NEDD1: variants seen among roughly 807,000 people sequenced by gnomAD.
NEDD1 encodes the protein protein NEDD1.
NEDD1 carries 33 observed loss-of-function variants against 74.0 expected under a neutral mutation model. The ratio of observed to expected loss-of-function variants is 0.45; its 90% CI spans 0.34 to 0.60. NEDD1 has a LOEUF of 0.60. NEDD1 is among the 20% of genes least tolerant of loss of function. The probability of loss-of-function intolerance (pLI) is 0.01; values close to 1 mark genes in which losing one functional copy is unlikely to be tolerated. For synonymous variants in NEDD1, 250 were observed against 264.4 expected (o/e 0.95, Z 0.53); for missense variants, 746 against 776.5 (o/e 0.96, Z 0.47).
chr12:96,945,730 C>G lies in NEDD1; in HGVS notation c.1692C>G (p.Ala564=). The stretch of plus-strand genomic sequence containing the variant: ...CATCTTCTGTCACTGCTGGAGTTGC[C>G]AGTTCACTCTCAGAAAAAATAGCCG... The part of the protein sequence containing the change: ...KIASSVTAGV[A]SSLSEKIADS... Residue 564 remains alanine, a synonymous_variant, in exon 14 of 16, where the codon GCC becomes GCG. Coordinates refer to ENST00000266742, the MANE Select transcript of NEDD1 (RefSeq NM_152905.4). 2 of 1,605,382 alleles carry G rather than the reference C, an allele frequency of 1.2e-6. No individual in the cohort carries two copies.
chr12:96,913,027 AT>A (rs1478299324), intron 4 of NEDD1, among the ~76,000 whole-genome samples: 6 of 152,208 alleles, frequency 3.9e-5, no homozygotes, highest in Non-Finnish European at 7.3e-5. Flanking sequence ...TAGGGGAACA[AT>A]TGAAGACTTG....
At chr12:96,907,882 C>T in intron 2 of NEDD1, 26 bp downstream of exon 2, 1 of 1,328,870 alleles carries the variant, frequency 7.5e-7, no homozygotes, top group South Asian at 2.0e-5. Flanking sequence ...GTCCTCTTCC[C>T]CGCCCCGCTT....
chr12:96,926,212 C>T (rs1592887554), intron 6 of NEDD1, among the ~76,000 whole-genome samples: 1 of 152,050 alleles, frequency 6.6e-6, no homozygotes, highest in African/African-American at 2.4e-5. Flanking sequence ...TAATGTGTTC[C>T]CTCCAAACCC....
At chr12:96,919,876 A>T (rs965871052) in intron 5 of NEDD1, 109 bp from the exon 6 acceptor site, 34 of 670,968 alleles carry the variant, frequency 5.1e-5, no homozygotes, top group Non-Finnish European at 8.0e-5. Context: ...AAAATGTTAA[A>T]GCAAATATTA....
At chr12:96,945,907 T>A in intron 14 of NEDD1, 58 bp downstream of exon 14, 2 of 1,055,226 alleles carry the variant, frequency 1.9e-6, no homozygotes, top group Non-Finnish European at 2.8e-6. Context: ...TTTTTAGATG[T>A]AAAACCAGAA....
At chr12:96,945,063 T>C (rs1878064709) in intron 13 of NEDD1, among the ~76,000 whole-genome samples, 1 of 140,448 alleles carries the variant, frequency 7.1e-6, no homozygotes, top group South Asian at 2.1e-4. Context: ...AGAATTATTA[T>C]GTAGGACCCT....
At chr12:96,909,681 G>T in intron 2 of NEDD1, 71 bp from the exon 3 acceptor site, 1 of 1,261,880 alleles carries the variant, frequency 7.9e-7, no homozygotes, top group South Asian at 1.4e-5. Flanking sequence ...TTTTAGATTA[G>T]ATTTTGACCT....
chr12:96,918,394 A>G (rs1874698983), intron 5 of NEDD1, among the ~76,000 whole-genome samples: 1 of 118,444 alleles, frequency 8.4e-6, no homozygotes, highest in Non-Finnish European at 1.8e-5. Context: ...TTGTCTTAAA[A>G]AAGTTTTAAT....
In NEDD1 at chr12:96,936,727, T is replaced by C. The variant is rs1877139823; in HGVS notation, c.836T>C (p.Met279Thr). The C allele has an allele frequency of 1.9e-6, 3 of 1,613,328 alleles. No individual in the cohort carries two copies. Among genetic ancestry groups the C allele is most frequent in the East Asian group, 4.5e-5 (2 of 44,878 alleles). Reference sequence around the variant, plus strand: ...AAAATATATCAATATGATTTAAGAATGTTGAAATCACCAGTTAAGACCATC... The same window carrying C: ...AAAATATATCAATATGATTTAAGAACGTTGAAATCACCAGTTAAGACCATC... ...RGKIYQYDLRMLKSPVKTISA... is the reference protein window; with the variant it reads ...RGKIYQYDLRTLKSPVKTISA... The change falls in exon 8 of 16, where the codon ATG (methionine) becomes ACG (threonine). Residue 279 changes from methionine to threonine, a missense_variant. Coordinates refer to ENST00000266742, the MANE Select transcript of NEDD1 (RefSeq NM_152905.4).
In NEDD1 at chr12:96,944,632, T is replaced by C. The variant is rs1366650802; in HGVS notation, c.1498-7T>C. The C allele has an allele frequency of 1.3e-6, 2 of 1,546,376 alleles. No individual in the cohort carries two copies. Among genetic ancestry groups the C allele is most frequent in the African/African-American group, 1.4e-5 (1 of 72,126 alleles). Reference sequence around the variant, plus strand: ...TATTAAAGTCATTATTTATTTTAAATATAAAGTTAGCAAAGTTGGTCACAT... The same window carrying C: ...TATTAAAGTCATTATTTATTTTAAACATAAAGTTAGCAAAGTTGGTCACAT... On this transcript the variant is annotated splice_region_variant and splice_polypyrimidine_tract_variant and intron_variant, in intron 12 of 15. Coordinates refer to ENST00000266742, the MANE Select transcript of NEDD1 (RefSeq NM_152905.4).
At chr12:96,923,788 T>TTTTGTGTGTGTGTGTG (rs549447581) in intron 6 of NEDD1, among the ~76,000 whole-genome samples, 3 of 142,250 alleles carry the variant, frequency 2.1e-5, no homozygotes, top group African/African-American at 5.1e-5. Context: ...TAATACCTGT[T>TTTTGTGTGTGTGTGTG]TGTGTGTGTG....
At chr12:96,918,639 G>T (rs888753160) in intron 5 of NEDD1, among the ~76,000 whole-genome samples, 1 of 152,170 alleles carries the variant, frequency 6.6e-6, no homozygotes, top group Admixed American at 6.5e-5. Context: ...ACTTGTGATA[G>T]TGGGAAATCT....
chr12:96,907,363 A>G, intron 1 of NEDD1, 63 bp downstream of exon 1: 6 of 424,358 alleles, frequency 1.4e-5, no homozygotes, highest in Non-Finnish European at 2.5e-5. Context: ...CACCCTCCCG[A>G]TCCTAAGACC....
At chr12:96,908,002 A>G (rs1319664670) in intron 2 of NEDD1, 146 bp downstream of exon 2, 1 of 463,990 alleles carries the variant, frequency 2.2e-6, no homozygotes, top group East Asian at 7.6e-5. Context: ...TCTACCCACT[A>G]CACCCCGCAG....
intron 3 of NEDD1, among the ~76,000 whole-genome samples, chr12:96,910,830 A>G (rs139789496): frequency 1.6e-4 from 24 of 152,328 alleles, no homozygotes; most frequent in African/African-American, 5.3e-4. Context: ...CTCATACGCT[A>G]TTTCTTAACA....
At chr12:96,912,392 G>A (rs886782939) in intron 3 of NEDD1, among the ~76,000 whole-genome samples, 1 of 152,188 alleles carries the variant, frequency 6.6e-6, no homozygotes, top group Admixed American at 6.5e-5. Flanking sequence ...GATATTTGCT[G>A]ATGCTGCTTT....
rs74430986 is a variant in NEDD1, at chr12:96,909,639, T to C, written c.-8-113T>C. 761 of 826,474 alleles carry C rather than the reference T, an allele frequency of 9.2e-4. 6 individuals carry two copies. In the East Asian group the frequency reaches 0.019, roughly 21 times the overall value. 51.2% of individuals were successfully genotyped at this position (826,474 alleles called of 1,614,324 possible). ...CAACTGCTTTGGTGACTGCACTGTT[T>C]GGAACAAAAATGAATGAGTTAGAGC... On this transcript the variant is annotated intron_variant, in intron 2 of 15. Coordinates refer to ENST00000266742, the MANE Select transcript of NEDD1 (RefSeq NM_152905.4).
In NEDD1 at chr12:96,952,177, A is replaced by T. The variant is rs2304697; in HGVS notation, c.*124A>T. ...ATGTTTTTCAAGTAAGAGTAAAAGG[A>T]TGATGGGATTTTATACCAACAACTG... On this transcript the variant is annotated 3_prime_UTR_variant, in exon 16 of 16. Coordinates refer to ENST00000266742, the MANE Select transcript of NEDD1 (RefSeq NM_152905.4). 2.9e-5 allele frequency: 18 copies of T among 617,552 alleles called. No individual in the cohort carries two copies. In the East Asian group the frequency reaches 5.2e-4, roughly 18 times the overall value. 38.3% of individuals were successfully genotyped at this position (617,552 alleles called of 1,614,324 possible). A position where few individuals can be genotyped will look rare whatever the true frequency, so the allele number is the denominator to read the frequency against.
At chr12:96,937,835 G>A (rs1157631471) in intron 9 of NEDD1, among the ~76,000 whole-genome samples, 2 of 151,990 alleles carry the variant, frequency 1.3e-5, no homozygotes, top group South Asian at 2.1e-4. Flanking sequence ...TGTAATTGGC[G>A]AAACAGTTCT....
Sources: gnomAD v4.1 joint callset for allele counts (sites outside exome capture counted in the v4.1 genomes callset) on GRCh38, gnomAD v4.1.1 for gene constraint, MANE v1.5 for transcripts, NCBI Gene and HGNC (gene_info 2026-07-23, HGNC 2026-07-21) for gene names.